SLCO3A1: variants seen among roughly 807,000 people sequenced by gnomAD.
SLCO3A1 encodes the protein PGE1 transporter.
Under a neutral mutation model 63.1 loss-of-function variants are expected in SLCO3A1, and 27 were observed. That is an observed-to-expected ratio of 0.43 (90% CI 0.32 to 0.59). SLCO3A1 has a LOEUF of 0.59. SLCO3A1 is among the 20% of genes least tolerant of loss of function. SLCO3A1 has a pLI of 0.09. For missense variants in SLCO3A1, 773 were observed against 945.8 expected, an observed-to-expected ratio of 0.82 and a Z score of 2.40; for synonymous variants, 473 against 409.9, an observed-to-expected ratio of 1.15 and a Z score of -1.86.
intron 2 of SLCO3A1, among the ~76,000 whole-genome samples, chr15:92,062,309 G>C (rs1165837258): frequency 6.6e-6 from 1 of 152,228 alleles, no homozygotes; most frequent in African/African-American, 2.4e-5. Context: ...TGTGGGGACA[G>C]CTCAAGGAGC....
intron 2 of SLCO3A1, among the ~76,000 whole-genome samples, chr15:92,015,547 G>A (rs1360242182): frequency 2.0e-5 from 3 of 152,078 alleles, no homozygotes; most frequent in Admixed American, 6.5e-5. Context: ...GACACATGGG[G>A]ATTACATTTC....
chr15:92,108,681 A>G (rs987849507), intron 4 of SLCO3A1, among the ~76,000 whole-genome samples: 1 of 152,136 alleles, frequency 6.6e-6, no homozygotes, highest in African/African-American at 2.4e-5. Flanking sequence ...CTGCAGCCGC[A>G]TGTCCATCTG....
In SLCO3A1 at chr15:91,897,112, A is replaced by G. The variant is rs1013165148; in HGVS notation, c.181-18881A>G. On this transcript the variant is annotated intron_variant, in intron 1 of 9. Transcript: ENST00000318445. This position sits in a 1 kb window ranked among gnomAD's most constrained non-coding sequence, Gnocchi z 4.7. The stretch of plus-strand genomic sequence containing the variant: ...TGTGAGAAATCAAAGTAACCGTAAG[A>G]TAAGTTCCTACCACACTATTTGCCA... Among the ~76,000 whole-genome samples, 2 of 152,216 alleles carry G rather than the reference A, an allele frequency of 1.3e-5. No homozygotes were observed. The highest frequency in any genetic ancestry group is 1.3e-4 in the Admixed American group (2 of 15,284).
chr15:92,165,770 C>T lies in SLCO3A1; in HGVS notation c.*2635C>T. On this transcript the variant is annotated 3_prime_UTR_variant, in exon 10 of 10. Coordinates refer to ENST00000318445, the MANE Select transcript of SLCO3A1 (RefSeq NM_013272.4). Reference sequence around the variant, plus strand: ...ATTTGCCTTTTGTGCTCTAAAGAAGCATTGTACATACAACACTAGATCCAG... The same window carrying T: ...ATTTGCCTTTTGTGCTCTAAAGAAGTATTGTACATACAACACTAGATCCAG... The T allele has an allele frequency of 2.0e-6, 2 of 982,714 alleles. No homozygotes were observed. The highest frequency in any genetic ancestry group is 2.4e-6 in the Non-Finnish European group (2 of 827,676). 60.9% of individuals were successfully genotyped at this position (982,714 alleles called of 1,614,324 possible). A position where few individuals can be genotyped will look rare whatever the true frequency, so the allele number is the denominator to read the frequency against.
At chr15:92,115,663 C>G (rs1232492299) in intron 4 of SLCO3A1, among the ~76,000 whole-genome samples, 1 of 151,694 alleles carries the variant, frequency 6.6e-6, no homozygotes, top group Non-Finnish European at 1.5e-5. Context: ...TCCTGATTAC[C>G]TGACTCCTTA....
At position 92,033,272 on chromosome 15, in the gene SLCO3A1, C is replaced by T. The variant is rs996340071; in HGVS notation, c.647-61609C>T. Among the ~76,000 whole-genome samples the T allele has an allele frequency of 3.3e-5, 5 of 152,192 alleles. No homozygotes were observed. Among genetic ancestry groups the T allele is most frequent in the African/African-American group, 4.8e-5 (2 of 41,446 alleles). On this transcript the variant is annotated intron_variant, in intron 2 of 9. Transcript: ENST00000318445. The surrounding 1 kb of genome is among the most constrained non-coding windows in gnomAD (Gnocchi z 4.5). ...GAGATTTCTGAGCATATTGTTCCAG[C>T]ACCTGCAAGTGTGGAAATGGACACG...
intron 2 of SLCO3A1, among the ~76,000 whole-genome samples, chr15:92,092,527 T>C (rs757491726): frequency 1.3e-5 from 2 of 152,020 alleles, no homozygotes; most frequent in Non-Finnish European, 2.9e-5. Flanking sequence ...TGCCAGTAAC[T>C]CTGACTGCTG....
intron 2 of SLCO3A1, among the ~76,000 whole-genome samples, chr15:92,069,603 G>T (rs2047192120): frequency 6.6e-6 from 1 of 152,184 alleles, no homozygotes; most frequent in Non-Finnish European, 1.5e-5. Context: ...CAAAATCCCT[G>T]CCCGTCTACA....
chr15:91,891,979 G>C (rs901727089), intron 1 of SLCO3A1, among the ~76,000 whole-genome samples: 3 of 152,214 alleles, frequency 2.0e-5, no homozygotes, highest in Non-Finnish European at 1.5e-5. Context: ...TTGGCCTTGG[G>C]CCATAGTATG....
At chr15:92,171,860 T>C in exon 11 of SLCO3A1, 1 of 1,550,824 alleles carries the variant, frequency 6.4e-7, no homozygotes, top group Middle Eastern at 1.7e-4. Flanking sequence ...TGTGAGAAGC[T>C]GAGGGCCTGG....
intron 2 of SLCO3A1, among the ~76,000 whole-genome samples, chr15:91,987,600 G>A (rs747099776): frequency 2.9e-4 from 44 of 152,060 alleles, no homozygotes; most frequent in Middle Eastern, 3.4e-3. Context: ...AAAATTAGCC[G>A]GGTGTGGTGG....
intron 2 of SLCO3A1, among the ~76,000 whole-genome samples, chr15:92,032,125 G>T (rs963857485): frequency 6.6e-6 from 1 of 152,168 alleles, no homozygotes; most frequent in East Asian, 1.9e-4. Flanking sequence ...CTTAGTGTCG[G>T]GTCTCTGCTA....
chr15:92,147,843 AC>A (rs1376630621), intron 8 of SLCO3A1, among the ~76,000 whole-genome samples: 1 of 152,194 alleles, frequency 6.6e-6, no homozygotes, highest in Non-Finnish European at 1.5e-5. Context: ...TTGCAGAGTT[AC>A]CTAGATTTGT....
intron 2 of SLCO3A1, among the ~76,000 whole-genome samples, chr15:91,977,005 C>A (rs1567047703): frequency 6.6e-6 from 1 of 152,012 alleles, no homozygotes; most frequent in Non-Finnish European, 1.5e-5. Flanking sequence ...CCAGTCTGAC[C>A]AAAATTTATT....
rs1448479946 is a variant in SLCO3A1, at chr15:91,853,941, C to A, written c.33C>A (p.Gly11=). The change falls in exon 1 of 10, where the codon GGC becomes GGA. Residue 11 remains glycine (G), a synonymous_variant. Coordinates refer to ENST00000318445, the MANE Select transcript of SLCO3A1 (RefSeq NM_013272.4). MQGKKPGGSS[G]GGRSGELQGD... is the part of the protein sequence containing the mutation. ...GGAAGAAGCCGGGCGGTTCGTCGGG[C>A]GGCGGCCGGAGCGGCGAGCTGCAGG... is the stretch of plus-strand genomic sequence containing the variant. 3.4e-6 allele frequency: 5 copies of A among 1,464,814 alleles called. No individual in the cohort carries two copies. Among genetic ancestry groups the A allele is most frequent in the Non-Finnish European group, 4.5e-6 (5 of 1,101,818 alleles). 90.7% of individuals were successfully genotyped at this position (1,464,814 alleles called of 1,614,324 possible).
At chr15:92,001,352 G>T (rs1225265413) in intron 2 of SLCO3A1, among the ~76,000 whole-genome samples, 1 of 152,162 alleles carries the variant, frequency 6.6e-6, no homozygotes, top group Non-Finnish European at 1.5e-5. Context: ...ATGGGATGCT[G>T]CTTCCTTGGT....
At chr15:92,072,396 G>A (rs1419414228) in intron 2 of SLCO3A1, among the ~76,000 whole-genome samples, 1 of 151,880 alleles carries the variant, frequency 6.6e-6, no homozygotes, top group Non-Finnish European at 1.5e-5. Flanking sequence ...TTCTGTGTCT[G>A]TGCTCTGGAC....
intron 2 of SLCO3A1, among the ~76,000 whole-genome samples, chr15:92,043,416 G>C (rs1413386081): frequency 6.6e-6 from 1 of 152,172 alleles, no homozygotes; most frequent in East Asian, 1.9e-4. Flanking sequence ...TGTATAACCA[G>C]CGATAGCAGG....
At position 92,142,656 on chromosome 15, in the gene SLCO3A1, C is replaced by T. The variant is rs574577294; in HGVS notation, c.1513-4328C>T. ...GTTTCGGCTGCAAATCCTGTGGCAG[C>T]TTAACCCTGCTGTCTGCTCGCCTCA... On this transcript the variant is annotated intron_variant, in intron 7 of 9. Coordinates refer to ENST00000318445, the MANE Select transcript of SLCO3A1 (RefSeq NM_013272.4). 1.9e-4 allele frequency among the ~76,000 whole-genome samples: 29 copies of T among 152,316 alleles called. No homozygotes were observed. In the East Asian group the frequency reaches 3.5e-3, roughly 18 times the overall value.
Sources: allele counts gnomAD v4.1 joint callset (sites outside exome capture counted in the v4.1 genomes callset), GRCh38; gene constraint gnomAD v4.1.1; non-coding constraint Gnocchi (gnomAD v3.1); transcripts MANE v1.5; gene names NCBI Gene and HGNC (gene_info 2026-07-23, HGNC 2026-07-21).